The following SV2C variants were observed in gnomAD, a reference collection of about 807,000 sequenced individuals.
The protein encoded by SV2C is solute carrier family 22 member B3.
A neutral mutation model predicts 79.7 loss-of-function variants in SV2C; 49 were observed. The observed-to-expected ratio is 0.61, with a 90% confidence interval of 0.49 to 0.78. SV2C has a LOEUF of 0.78. SV2C is among the 30% of genes least tolerant of loss of function. SV2C has a pLI of 0.00. For missense variants in SV2C, 833 were observed against 912.9 expected (o/e 0.91, Z 1.13); for synonymous variants, 334 against 333.2 (o/e 1.00, Z -0.03).
chr5:76,043,628 G>A, the SV2C span, among the ~76,000 whole-genome samples: 1 of 152,204 alleles, frequency 6.6e-6, no homozygotes, highest in African/African-American at 2.4e-5. Flanking sequence ...GTTTTGAGGT[G>A]AAATAGCATT....
intron 4 of SV2C, among the ~76,000 whole-genome samples, chr5:76,227,168 GATAA>G (rs2112390447): frequency 2.9e-5 from 1 of 33,918 alleles, no homozygotes; most frequent in Admixed American, 3.7e-4. Context: ...TCATGATGCA[GATAA>G]GATAAAAGCC....
chr5:76,186,347 G>A (rs1353965979), intron 2 of SV2C, among the ~76,000 whole-genome samples: 5 of 152,130 alleles, frequency 3.3e-5, no homozygotes, highest in Non-Finnish European at 1.5e-5. Context: ...TAGTGTATTA[G>A]TCCATTCTCA....
intron 4 of SV2C, among the ~76,000 whole-genome samples, chr5:76,244,843 G>A (rs1361958066): frequency 6.6e-6 from 1 of 152,182 alleles, no homozygotes; most frequent in Non-Finnish European, 1.5e-5. Flanking sequence ...AGTGGCTAGT[G>A]GCTGCCATAT....
chr5:76,188,069 G>A (rs1278043495), intron 2 of SV2C, among the ~76,000 whole-genome samples: 2 of 152,088 alleles, frequency 1.3e-5, no homozygotes, highest in Non-Finnish European at 2.9e-5. Flanking sequence ...GACCAGGCCT[G>A]GGCAATATGG....
chr5:76,184,812 A>AC (rs1472687533), intron 2 of SV2C, among the ~76,000 whole-genome samples: 1 of 152,118 alleles, frequency 6.6e-6, no homozygotes, highest in Non-Finnish European at 1.5e-5. Flanking sequence ...ATATCATTCT[A>AC]CCCCAAGCCC....
chr5:76,186,689 C>CCCAAACAA (rs1743928431), intron 2 of SV2C, among the ~76,000 whole-genome samples: 1 of 34,116 alleles, frequency 2.9e-5, no homozygotes, highest in East Asian at 1.8e-3. Context: ...GAGACCTTAT[C>CCCAAACAA]TCAAACAAAC....
At chr5:76,060,843 T>C in the SV2C span, among the ~76,000 whole-genome samples, 1 of 152,108 alleles carries the variant, frequency 6.6e-6, no homozygotes, top group South Asian at 2.1e-4. Context: ...TCACGAAGCT[T>C]ATTAATATCT....
chr5:76,301,609 T>C, intron 12 of SV2C, 64 bp downstream of exon 12: 1 of 1,555,278 alleles, frequency 6.4e-7, no homozygotes. Context: ...GAAAAATTAT[T>C]TTAAAACAAC....
At chr5:76,137,708 A>G (rs1043956974) in intron 2 of SV2C, among the ~76,000 whole-genome samples, 3 of 152,138 alleles carry the variant, frequency 2.0e-5, no homozygotes, top group African/African-American at 4.8e-5. Flanking sequence ...TCATATTACA[A>G]TCCTCTTAAA....
At chr5:76,195,289 C>T (rs1201654073) in intron 3 of SV2C, among the ~76,000 whole-genome samples, 190 bp downstream of exon 3, 1 of 152,136 alleles carries the variant, frequency 6.6e-6, no homozygotes, top group Non-Finnish European at 1.5e-5. Context: ...CAGAAGGGAA[C>T]ACACACCTAT....
chr5:75,888,217 T>C, the SV2C span, among the ~76,000 whole-genome samples: 10 of 151,920 alleles, frequency 6.6e-5, no homozygotes, highest in African/African-American at 2.4e-4. Flanking sequence ...GATGGTGTAG[T>C]CCGCTGCAAC....
chr5:75,970,146 C>G, the SV2C span, among the ~76,000 whole-genome samples: 1 of 151,918 alleles, frequency 6.6e-6, no homozygotes, highest in Non-Finnish European at 1.5e-5. Flanking sequence ...ATACAACATA[C>G]CAGAATCTCT....
chr5:75,874,319 C>T, the SV2C span, among the ~76,000 whole-genome samples: 2 of 152,100 alleles, frequency 1.3e-5, no homozygotes, highest in Non-Finnish European at 2.9e-5. Flanking sequence ...ATGATTATCT[C>T]AATAGACACA....
chr5:76,306,095 T>G (rs1405950673), intron 12 of SV2C, among the ~76,000 whole-genome samples: 1 of 152,220 alleles, frequency 6.6e-6, no homozygotes, highest in Non-Finnish European at 1.5e-5. Context: ...TAACCAGAGC[T>G]GGAATGCAGT....
intron 12 of SV2C, among the ~76,000 whole-genome samples, chr5:76,324,099 T>C (rs945831752): frequency 2.0e-5 from 3 of 152,206 alleles, no homozygotes; most frequent in Admixed American, 1.3e-4. Context: ...AGTAAATATA[T>C]TGTTGCACTT....
chr5:75,896,968 G>A, the SV2C span, among the ~76,000 whole-genome samples: 2 of 143,982 alleles, frequency 1.4e-5, no homozygotes, highest in African/African-American at 3.0e-5. Context: ...CTGGATATTA[G>A]CCTTTTGTCA....
At chr5:76,009,991 G>GTTTTTTT in the SV2C span, among the ~76,000 whole-genome samples, 12 of 112,638 alleles carry the variant, frequency 1.1e-4, no homozygotes, top group South Asian at 6.6e-4. Flanking sequence ...TATCTATTTT[G>GTTTTTTT]TTTTTTTTTT....
intron 4 of SV2C, chr5:76,242,076 T>C: frequency 6.9e-7 from 1 of 1,446,706 alleles, no homozygotes; most frequent in Non-Finnish European, 9.7e-7. Flanking sequence ...TGTTTTGGCA[T>C]CTCCATTTCC....
At chr5:75,911,006 C>T in the SV2C span, 2 of 1,023,418 alleles carry the variant, frequency 2.0e-6, no homozygotes, top group Non-Finnish European at 3.1e-6. Flanking sequence ...TCTTACCTCA[C>T]CTACTAGTCC....
Sources: allele counts gnomAD v4.1 joint callset (sites outside exome capture counted in the v4.1 genomes callset), GRCh38; gene constraint gnomAD v4.1.1; transcripts MANE v1.5; gene names NCBI Gene and HGNC (gene_info 2026-07-23, HGNC 2026-07-21).